The following KDM5A variants were observed in gnomAD, a reference collection of about 807,000 sequenced individuals.
KDM5A encodes the protein lysine demethylase 5A, also known as lysine-specific demethylase 5A.
In KDM5A, 42 loss-of-function variants were observed where a neutral mutation model predicts 193.5. The ratio of observed to expected loss-of-function variants is 0.22; its 90% CI spans 0.17 to 0.28. The LOEUF is 0.28. Ranked by LOEUF, KDM5A falls within the 10% of genes least tolerant of loss-of-function variation. The pLI, the probability that KDM5A is intolerant of heterozygous loss-of-function variation, is 1.00. For missense variants in KDM5A, 1,692 were observed against 2,055.1 expected (o/e 0.82, Z 3.42); for synonymous variants, 796 against 718.1 (o/e 1.11, Z -1.73).
At chr12:387,337 A>G (rs1944649304) in intron 1 of KDM5A, 1 of 271,910 alleles carries the variant, frequency 3.7e-6, no homozygotes, top group Non-Finnish European at 7.4e-6. Context: ...AAGAGAAAGC[A>G]TTATTTCAGC....
At position 352,177 on chromosome 12, in the gene KDM5A, G is replaced by A. The variant is rs143075142; in HGVS notation, c.1149+28C>T. 1,729 of 1,566,530 alleles carry A rather than the reference G, an allele frequency of 1.1e-3. 9 individuals carry two copies. The highest frequency in any genetic ancestry group is 6.7e-3 in the African/African-American group (483 of 72,380). ...CTCAGGTAAATCTTTGTACCTCCCC[G>A]GACCGACCTAAAAGATAGCTTACTC... On this transcript the variant is annotated intron_variant, in intron 9 of 27. Coordinates refer to ENST00000399788, the MANE Select transcript of KDM5A (RefSeq NM_001042603.3).
At chr12:334,630 T>G (rs1290076388) in intron 10 of KDM5A, among the ~76,000 whole-genome samples, 1 of 152,176 alleles carries the variant, frequency 6.6e-6, no homozygotes, top group Non-Finnish European at 1.5e-5. Context: ...AGATTTCCCT[T>G]TATTTCAGAT....
At chr12:311,907 G>A (rs1007492179) in intron 20 of KDM5A, among the ~76,000 whole-genome samples, 3 of 152,110 alleles carry the variant, frequency 2.0e-5, no homozygotes, top group Non-Finnish European at 4.4e-5. Flanking sequence ...GCTGGCATGC[G>A]CCTGTAGTCC....
chr12:383,339 T>A (rs914477293), intron 3 of KDM5A, among the ~76,000 whole-genome samples: 4 of 152,020 alleles, frequency 2.6e-5, no homozygotes, highest in Non-Finnish European at 5.9e-5. Context: ...CTTAGCCTCC[T>A]GAGTGGTTGA....
chr12:332,476 T>G (rs919001779), intron 12 of KDM5A, among the ~76,000 whole-genome samples: 1 of 152,204 alleles, frequency 6.6e-6, no homozygotes, highest in African/African-American at 2.4e-5. Context: ...AGTAACATTA[T>G]AAATGTTAAA....
At chr12:376,566 C>T (rs886378701) in intron 3 of KDM5A, among the ~76,000 whole-genome samples, 10 of 152,336 alleles carry the variant, frequency 6.6e-5, no homozygotes, top group African/African-American at 2.2e-4. Flanking sequence ...GGCACACGCT[C>T]GGTGGGCTGC....
intron 1 of KDM5A, among the ~76,000 whole-genome samples, chr12:387,864 G>A (rs544705282): frequency 6.6e-6 from 1 of 152,128 alleles, no homozygotes; most frequent in South Asian, 2.1e-4. Flanking sequence ...CAGTGGTGAC[G>A]GCAGATGCTT....
At chr12:311,389 A>G (rs897776827) in intron 20 of KDM5A, among the ~76,000 whole-genome samples, 1 of 152,136 alleles carries the variant, frequency 6.6e-6, no homozygotes, top group Non-Finnish European at 1.5e-5. Flanking sequence ...CACACCTGTA[A>G]TCTCAGCACT....
intron 11 of KDM5A, 101 bp from the exon 12 acceptor site, chr12:333,750 C>T: frequency 8.8e-7 from 1 of 1,133,936 alleles, no homozygotes; most frequent in South Asian, 1.3e-5. Flanking sequence ...TGTCTTATTC[C>T]ATGGTCAGAT....
Position 384,059 on chromosome 12 carries a change from T to G in KDM5A, c.338A>C (p.Lys113Thr). 3 of 1,614,062 alleles carry G rather than the reference T, an allele frequency of 1.9e-6. No individual in the cohort carries two copies. Among genetic ancestry groups the G allele is most frequent in the Non-Finnish European group, 2.5e-6 (3 of 1,179,892 alleles). Residue 113 changes from lysine (K) to threonine (T), a missense_variant, in exon 3 of 28, where the codon AAA (lysine) becomes ACA (threonine). Around this residue, in one of 11 missense-constraint regions of KDM5A, gnomAD observed 120 missense variants for 172.0 expected, o/e 0.70. Coordinates refer to ENST00000399788, the MANE Select transcript of KDM5A (RefSeq NM_001042603.3). ...STLKIPVVERKILDLYALSKI... is the reference protein window; with the variant it reads ...STLKIPVVERTILDLYALSKI... ...GCTCAAAGCATACAGATCCAGGATT[T>G]TTCTCTCTACCACAGGGATCTTCAG...
chr12:355,229 T>C lies in KDM5A; in HGVS notation c.799A>G (p.Lys267Glu). 3 of 1,611,474 alleles carry C rather than the reference T, an allele frequency of 1.9e-6. No individual in the cohort carries two copies. The highest frequency in any genetic ancestry group is 2.5e-6 in the Non-Finnish European group (3 of 1,177,554). The change falls in exon 7 of 28, where the codon AAA becomes GAA. Residue 267 changes from lysine to glutamate, a missense_variant. Transcript: ENST00000399788. ...AATGCGTCTGACCTGTTGGTAACTTTTCGTCTTCGGGTGACCTCATCTTGA... is the reference window on the plus strand; with the variant it reads ...AATGCGTCTGACCTGTTGGTAACTTCTCGTCTTCGGGTGACCTCATCTTGA... ...DKEDEVTRRR[K>E]VTNRSDAFNM...
intron 3 of KDM5A, among the ~76,000 whole-genome samples, chr12:373,964 G>T (rs6489463): frequency 0.7 from 107,041 of 152,022 alleles, 37,887 homozygotes; most frequent in Middle Eastern, 0.78. Context: ...ATAATTTCTG[G>T]TCTTTTTCAT....
chr12:386,463 T>C lies in KDM5A; in HGVS notation c.166-489A>G, dbSNP rs182990121. Reference sequence around the variant, plus strand: ...CATCATTCCTGACTGTGAATTTACATGCTACCAATAAACAATCATTTCCTT... The same window carrying C: ...CATCATTCCTGACTGTGAATTTACACGCTACCAATAAACAATCATTTCCTT... On this transcript the variant is annotated intron_variant, in intron 1 of 27. Transcript: ENST00000399788. 1.6e-3 allele frequency among the ~76,000 whole-genome samples: 251 copies of C among 152,342 alleles called. 1 individual carries two copies. Among genetic ancestry groups the C allele is most frequent in the Non-Finnish European group, 7.3e-5 (5 of 68,038 alleles).
intron 2 of KDM5A, among the ~76,000 whole-genome samples, chr12:385,606 A>T (rs1386086689): frequency 6.6e-6 from 1 of 152,212 alleles, no homozygotes; most frequent in Non-Finnish European, 1.5e-5. Context: ...GAAATCTTCC[A>T]AGATTAACAA....
chr12:306,643 T>C (rs556048289), intron 24 of KDM5A, among the ~76,000 whole-genome samples: 1 of 151,320 alleles, frequency 6.6e-6, no homozygotes, highest in Non-Finnish European at 1.5e-5. Context: ...CTTGGGAGGC[T>C]GAGGCACAAG....
At position 285,364 on chromosome 12, in the gene KDM5A, A is replaced by C; in HGVS notation, c.*92T>G. The C allele has an allele frequency of 8.8e-7, 1 of 1,130,654 alleles. No homozygotes were observed. The highest frequency in any genetic ancestry group is 2.4e-5 in the East Asian group (1 of 42,250). The allele number at this position is 1,130,654 out of a possible 1,614,324, so 70.0% of individuals were successfully genotyped here. A position where few individuals can be genotyped will look rare whatever the true frequency, so the allele number is the denominator to read the frequency against. ...CTGAAGGCCATTCATCTTTGGAAGC[A>C]ACATTCCAAGTGGATATAAACCACT... On this transcript the variant is annotated 3_prime_UTR_variant, in exon 28 of 28. Transcript: ENST00000399788.
chr12:357,827 C>CCAAAAAAA (rs1944245656), intron 5 of KDM5A, among the ~76,000 whole-genome samples: 1 of 29,852 alleles, frequency 3.3e-5, no homozygotes, highest in Non-Finnish European at 5.1e-5. Context: ...GACTCAGTCT[C>CCAAAAAAA]AAAAAAAAAA....
chr12:318,022 T>A, intron 19 of KDM5A, 84 bp downstream of exon 19: 1 of 1,032,582 alleles, frequency 9.7e-7, no homozygotes, highest in Non-Finnish European at 1.5e-6. Flanking sequence ...AGTCATTTAA[T>A]GAAATAAGCT....
chr12:293,757 C>G (rs1169428172), intron 26 of KDM5A, among the ~76,000 whole-genome samples: 1 of 114,140 alleles, frequency 8.8e-6, no homozygotes, highest in Non-Finnish European at 1.6e-5. Context: ...CCAGCCTGAG[C>G]AACAGAGCAA....
Sources: allele counts gnomAD v4.1 joint callset (sites outside exome capture counted in the v4.1 genomes callset), GRCh38; gene constraint gnomAD v4.1.1; regional missense constraint gnomAD v4.1.1; transcripts MANE v1.5; gene names NCBI Gene and HGNC (gene_info 2026-07-23, HGNC 2026-07-21).